The following COL4A6 variants were observed in gnomAD, a reference collection of about 807,000 sequenced individuals.
COL4A6 encodes the protein collagen alpha-6(IV) chain.
A neutral mutation model predicts 126.7 loss-of-function variants in COL4A6; 59 were observed. That is an observed-to-expected ratio of 0.47 (90% CI 0.38 to 0.58). The LOEUF is 0.58. Among genes scored for constraint, COL4A6 ranks in the 20% least tolerant of loss-of-function variants. COL4A6 has a pLI of 0.00. For missense variants in COL4A6, 1,285 were observed against 1,337.3 expected, an observed-to-expected ratio of 0.96 and a Z score of 0.61; for synonymous variants, 547 against 496.6, an observed-to-expected ratio of 1.10 and a Z score of -1.35.
intron 2 of COL4A6, among the ~76,000 whole-genome samples, chrX:108,356,023 GC>G (rs1431839515): frequency 9.1e-6 from 1 of 110,062 alleles, no homozygotes; most frequent in African/African-American, 3.3e-5. Flanking sequence ...AGGCGATCTT[GC>G]TTGAAAGTCT....
chrX:108,333,801 A>G (rs1569429660), intron 2 of COL4A6, among the ~76,000 whole-genome samples: 1 of 111,478 alleles, frequency 9.0e-6, no homozygotes, highest in Non-Finnish European at 1.9e-5. Flanking sequence ...TCCCATTAAC[A>G]GTATCTACAA....
At chrX:108,334,777 G>A (rs143558801) in intron 2 of COL4A6, among the ~76,000 whole-genome samples, 2 of 111,530 alleles carry the variant, frequency 1.8e-5, no homozygotes, top group African/African-American at 6.5e-5. Flanking sequence ...TATTAGTTCT[G>A]AGCAAGTTTC....
intron 2 of COL4A6, among the ~76,000 whole-genome samples, chrX:108,343,204 G>GTGTA (rs1302659215): frequency 1.1e-4 from 11 of 97,795 alleles, no homozygotes; most frequent in Admixed American, 1.0e-3. Flanking sequence ...GTGTGTGTGT[G>GTGTA]TATGTACAAA....
chrX:108,418,309 C>CACTT (rs919461283), intron 2 of COL4A6, among the ~76,000 whole-genome samples: 2 of 112,026 alleles, frequency 1.8e-5, no homozygotes, highest in African/African-American at 6.5e-5. Context: ...AAAATCCTAA[C>CACTT]ACTTATACCT....
At chrX:108,264,980 T>G (rs761431036) in intron 3 of COL4A6, among the ~76,000 whole-genome samples, 1 of 112,130 alleles carries the variant, frequency 8.9e-6, no homozygotes, top group East Asian at 2.8e-4. Context: ...TTAACCTCTC[T>G]TAACCTCAGC....
chrX:108,250,912 G>T (rs1473509109), intron 3 of COL4A6, among the ~76,000 whole-genome samples: 1 of 111,616 alleles, frequency 9.0e-6, no homozygotes, highest in Non-Finnish European at 1.9e-5. Context: ...ACAAGGAATT[G>T]GCTATTGCCT....
Position 108,222,468 on chromosome X carries a change from G to A in COL4A6, c.145-1094C>T, listed in dbSNP as rs148315279. ...ATGCCCTTTACTGTTCACCTTCAAG[G>A]CTTACTTTTTAAAAGGCTGAAAATG... On this transcript the variant is annotated intron_variant, in intron 3 of 44. Transcript: ENST00000334504. 1.1e-3 allele frequency among the ~76,000 whole-genome samples: 119 copies of A among 111,924 alleles called. 5 individuals carry two copies. The East Asian group carries it at 0.032, about 30-fold the overall frequency.
chrX:108,438,168 G>A lies in COL4A6; in HGVS notation c.11+18C>T, dbSNP rs1177777187. 5.0e-6 allele frequency: 6 copies of A among 1,207,745 alleles called. No homozygotes were observed. Among genetic ancestry groups the A allele is most frequent in the Non-Finnish European group, 6.7e-6 (6 of 893,684 alleles). On this transcript the variant is annotated intron_variant, in intron 1 of 44. Transcript: ENST00000334504. ...GAAGTAAGAAAGAGGAGGGGAGCTC[G>A]GGGCAGCAACAGCTCACCCAGGGTG...
intron 3 of COL4A6, among the ~76,000 whole-genome samples, chrX:108,298,885 C>CTT (rs2038408881): frequency 9.0e-6 from 1 of 110,543 alleles, no homozygotes; most frequent in Admixed American, 9.5e-5. Context: ...TCAGTTTGGA[C>CTT]TTGATTTAAA....
Position 108,381,759 on chromosome X carries a change from T to TAAC in COL4A6, c.63+56180_63+56182dup, listed in dbSNP as rs928891218. On this transcript the variant is annotated intron_variant, in intron 2 of 44. Coordinates refer to ENST00000334504, the MANE Select transcript of COL4A6 (RefSeq NM_033641.4). The stretch of plus-strand genomic sequence containing the variant: ...AAGTTATTGGTAATGAAAGTTTCAT[T>TAAC]AACAACAACAACAATAATGTTATTA... Among the ~76,000 whole-genome samples, 4 of 111,825 alleles carry TAAC rather than the reference T, an allele frequency of 3.6e-5. No homozygotes were observed. In the East Asian group the frequency reaches 8.4e-4, roughly 24 times the overall value.
intron 7 of COL4A6, 105 bp downstream of exon 7, chrX:108,211,567 A>G: frequency 1.4e-6 from 1 of 720,839 alleles, no homozygotes; most frequent in Non-Finnish European, 2.1e-6. Context: ...CTCCTTAAAT[A>G]GAGACACAGA....
upstream of COL4A6, among the ~76,000 whole-genome samples, chrX:108,438,603 C>T (rs2064318737): frequency 8.9e-6 from 1 of 112,362 alleles, no homozygotes; most frequent in African/African-American, 3.2e-5. Context: ...TACGCTAAGA[C>T]CTAAGCAACT....
chrX:108,339,665 T>G (rs896365915), intron 2 of COL4A6, among the ~76,000 whole-genome samples: 2 of 111,497 alleles, frequency 1.8e-5, no homozygotes, highest in African/African-American at 6.5e-5. Flanking sequence ...ATTGAGAGTT[T>G]ACTCAGCCCT....
At chrX:108,311,765 A>G (rs973756443) in intron 2 of COL4A6, among the ~76,000 whole-genome samples, 14 of 111,643 alleles carry the variant, frequency 1.3e-4, no homozygotes, top group Non-Finnish European at 2.6e-4. Flanking sequence ...TCATCGTTAG[A>G]CATTCTCTTT....
chrX:108,238,272 A>C (rs1314822884), intron 3 of COL4A6, among the ~76,000 whole-genome samples: 2 of 108,678 alleles, frequency 1.8e-5, no homozygotes, highest in African/African-American at 6.7e-5. Context: ...TACCCAGCTA[A>C]TTTTTGTATT....
At chrX:108,198,561 G>A (rs748698673) in intron 13 of COL4A6, among the ~76,000 whole-genome samples, 1 of 111,733 alleles carries the variant, frequency 8.9e-6, no homozygotes, top group Non-Finnish European at 1.9e-5. Context: ...AGAATAGGGA[G>A]GCACTGTACA....
chrX:108,192,289 C>T (rs773161299), intron 18 of COL4A6, among the ~76,000 whole-genome samples, 184 bp downstream of exon 18: 1 of 112,306 alleles, frequency 8.9e-6, no homozygotes, highest in South Asian at 3.7e-4. Context: ...GCTGCTCACC[C>T]AGGCCCTCAC....
intron 32 of COL4A6, among the ~76,000 whole-genome samples, chrX:108,172,088 C>T (rs961222766): frequency 8.9e-5 from 10 of 111,773 alleles, no homozygotes; most frequent in Admixed American, 8.5e-4. Flanking sequence ...TGCAGTGGCT[C>T]ACGCCTGTAA....
chrX:108,161,713 G>A lies in COL4A6; in HGVS notation c.4239C>T (p.Ile1413=), dbSNP rs763445455. 1.2e-4 allele frequency: 139 copies of A among 1,201,299 alleles called. 1 individual carries two copies. The South Asian group carries it at 2.3e-3, about 20-fold the overall frequency. Residue 1413 remains isoleucine, a synonymous_variant, in exon 42 of 45, where the codon ATC becomes ATT. Coordinates refer to ENST00000334504, the MANE Select transcript of COL4A6 (RefSeq NM_033641.4). ...GCCCACTGGGGCCATCTTTACCGGG[G>A]ATGCCAGGTAAACCTTTGGAGCCTG... is the stretch of plus-strand genomic sequence containing the variant. The part of the protein sequence containing the change: ...GLQGSKGLPG[I]PGKDGPSGLP...
Sources: gnomAD v4.1 joint callset for allele counts (sites outside exome capture counted in the v4.1 genomes callset) on GRCh38, gnomAD v4.1.1 for gene constraint, MANE v1.5 for transcripts, NCBI Gene and HGNC (gene_info 2026-07-23, HGNC 2026-07-21) for gene names.